Variants in SSPN observed in about 807,000 individuals in gnomAD.
SSPN encodes the protein sarcospan, also known as K-ras oncogene-associated protein.
In SSPN, 15 loss-of-function variants were observed where a neutral mutation model predicts 19.1. The observed-to-expected ratio is 0.78, with a 90% CI of 0.52 to 1.21. The LOEUF is 1.21. Among genes scored for constraint, SSPN ranks in the 50% most tolerant of loss-of-function variants. SSPN has a pLI of 0.00. For missense variants in SSPN, 291 were observed against 314.0 expected, an observed-to-expected ratio of 0.93 and a Z score of 0.55; for synonymous variants, 147 against 140.3, an observed-to-expected ratio of 1.05 and a Z score of -0.34.
chr12:26,133,921 C>T (rs1944409923), intron 1 of SSPN, among the ~76,000 whole-genome samples: 1 of 152,240 alleles, frequency 6.6e-6, no homozygotes, highest in South Asian at 2.1e-4. Flanking sequence ...AGGTATCTCA[C>T]ACTTGTATCC....
intron 1 of SSPN, among the ~76,000 whole-genome samples, chr12:26,213,670 C>CT (rs1343629520): frequency 6.6e-6 from 1 of 151,842 alleles, no homozygotes; most frequent in Non-Finnish European, 1.5e-5. Flanking sequence ...CAAACATCTA[C>CT]TTTTTTTTAA....
chr12:26,132,429 T>C (rs1944402085), intron 1 of SSPN, among the ~76,000 whole-genome samples: 1 of 152,292 alleles, frequency 6.6e-6, no homozygotes, highest in South Asian at 2.1e-4. Context: ...CATTTTATGT[T>C]CCAAAAAAGC....
chr12:26,155,891 G>A (rs1451549177), intron 1 of SSPN, among the ~76,000 whole-genome samples: 1 of 152,176 alleles, frequency 6.6e-6, no homozygotes. Context: ...GAGCTGGCAG[G>A]TAGAGGATCT....
At position 26,195,907 on chromosome 12, in the gene SSPN, T is replaced by A; in HGVS notation, c.235T>A (p.Ser79Thr). The A allele has an allele frequency of 6.3e-7, 1 of 1,576,232 alleles. No individual in the cohort carries two copies. The highest frequency in any genetic ancestry group is 8.6e-7 in the Non-Finnish European group (1 of 1,163,980). Residue 79 changes from serine to threonine, a missense_variant, in exon 1 of 3, where the codon TCC becomes ACC. Physicochemically the swap from Ser to Thr is moderately conservative, Grantham distance 58. Around this residue, in one of 3 missense-constraint regions of SSPN, gnomAD observed 139 missense variants for 119.6 expected, o/e 1.16. Transcript: ENST00000242729. ...VVGFLMASIS[S>T]SLLVRDTPFW... Reference sequence around the variant, plus strand: ...GGGCTTCCTCATGGCGAGCATCAGCTCCTCCCTGCTAGTCAGGGACACTCC... The same window carrying A: ...GGGCTTCCTCATGGCGAGCATCAGCACCTCCCTGCTAGTCAGGGACACTCC...
chr12:26,209,461 T>C (rs926628637), intron 1 of SSPN, among the ~76,000 whole-genome samples: 18 of 152,098 alleles, frequency 1.2e-4, no homozygotes, highest in African/African-American at 4.3e-4. Flanking sequence ...ATATTTCTTA[T>C]CCTGTCTAGT....
intron 1 of SSPN, among the ~76,000 whole-genome samples, chr12:26,178,712 T>G (rs1944700110): frequency 6.6e-6 from 1 of 152,228 alleles, no homozygotes; most frequent in Admixed American, 6.5e-5. Context: ...AGCTTGGATA[T>G]GCCCTTGTGG....
intron 1 of SSPN, among the ~76,000 whole-genome samples, chr12:26,156,122 T>C (rs1944554451): frequency 6.6e-6 from 1 of 152,186 alleles, no homozygotes; most frequent in African/African-American, 2.4e-5. Flanking sequence ...AAAATTAATA[T>C]TTTTTGGCCA....
chr12:26,214,146 A>G lies in SSPN; in HGVS notation c.280-10147A>G, dbSNP rs541644642. On this transcript the variant is annotated intron_variant, in intron 1 of 2. Transcript: ENST00000242729. ...CGTTATTTATGATATTTAAAAGCCA[A>G]TTATTAACTGTCATTTTCTCCATTT... Among the ~76,000 whole-genome samples the G allele has an allele frequency of 4.6e-5, 7 of 152,274 alleles. No homozygotes were observed. In the South Asian group the frequency reaches 1.5e-3, roughly 32 times the overall value.
intron 1 of SSPN, among the ~76,000 whole-genome samples, chr12:26,160,157 G>T (rs1294600724): frequency 1.3e-5 from 2 of 152,238 alleles, no homozygotes; most frequent in Non-Finnish European, 2.9e-5. Context: ...GCACTGCACT[G>T]TTTGGTCCAG....
chr12:26,154,947 G>A (rs953927196), intron 1 of SSPN, among the ~76,000 whole-genome samples: 3 of 152,134 alleles, frequency 2.0e-5, no homozygotes, highest in Admixed American at 6.5e-5. Flanking sequence ...GCATGACAGT[G>A]TAATGACAGA....
chr12:26,185,800 C>T (rs1439222146), intron 1 of SSPN, among the ~76,000 whole-genome samples: 1 of 152,198 alleles, frequency 6.6e-6, no homozygotes, highest in Non-Finnish European at 1.5e-5. Context: ...TGTAGTAGAG[C>T]GACTTTGCCC....
chr12:26,139,840 G>T (rs1944448631), intron 1 of SSPN, among the ~76,000 whole-genome samples: 1 of 152,124 alleles, frequency 6.6e-6, no homozygotes, highest in African/African-American at 2.4e-5. Context: ...ATAGTGTGGA[G>T]TCCCAGAATG....
At chr12:26,150,637 A>G (rs1373720909) in intron 1 of SSPN, among the ~76,000 whole-genome samples, 1 of 152,236 alleles carries the variant, frequency 6.6e-6, no homozygotes, top group African/African-American at 2.4e-5. Context: ...CATCATTATA[A>G]TGTATTCACT....
rs145867968 is a variant in SSPN at position 26,164,045 on chromosome 12, A to G, written c.-31+41893A>G. On this transcript the variant is annotated intron_variant, in intron 1 of 2. Transcript: ENST00000538142. ...TCAGAAGTAGATGGCCTGCACATTA[A>G]TGTAGTTAATCTTAAATCTCAGGTC... Among the ~76,000 whole-genome samples, 509 of 152,338 alleles carry G rather than the reference A, an allele frequency of 3.3e-3. 4 individuals are homozygous for G. Among genetic ancestry groups the G allele is most frequent in the African/African-American group, 0.012 (493 of 41,572 alleles).
intron 1 of SSPN, among the ~76,000 whole-genome samples, chr12:26,206,898 A>C (rs1944935895): frequency 6.6e-6 from 1 of 152,208 alleles, no homozygotes; most frequent in Non-Finnish European, 1.5e-5. Context: ...AGTAGAAGCC[A>C]CACCCTAGCC....
intron 1 of SSPN, among the ~76,000 whole-genome samples, chr12:26,179,673 A>G (rs1944706087): frequency 6.6e-6 from 1 of 152,176 alleles, no homozygotes; most frequent in Non-Finnish European, 1.5e-5. Context: ...CCTTAGTTCC[A>G]AGTGCCTCCT....
intron 1 of SSPN, among the ~76,000 whole-genome samples, chr12:26,153,750 G>C (rs1268035145): frequency 6.6e-6 from 1 of 152,182 alleles, no homozygotes; most frequent in Non-Finnish European, 1.5e-5. Context: ...CGAATTCTGG[G>C]TTCTGGTCCT....
chr12:26,124,252 T>TTGGGGGGGGGGGG, intron 1 of SSPN: 2 of 879,440 alleles, frequency 2.3e-6, no homozygotes, highest in East Asian at 2.7e-5. Flanking sequence ...TACCCTCGTC[T>TTGGGGGGGGGGGG]GCCCCCCCCG....
chr12:26,156,165 C>T (rs111419115), intron 1 of SSPN, among the ~76,000 whole-genome samples: 2,131 of 152,262 alleles, frequency 0.014, 55 homozygotes, highest in African/African-American at 0.049. Context: ...AATATAATCT[C>T]CTTTAGTTCA....
Sources: allele counts gnomAD v4.1 joint callset (sites outside exome capture counted in the v4.1 genomes callset), GRCh38; gene constraint gnomAD v4.1.1; regional missense constraint gnomAD v4.1.1; transcripts MANE v1.5; gene names NCBI Gene and HGNC (gene_info 2026-07-23, HGNC 2026-07-21).